NEGR1: variants seen among roughly 807,000 people sequenced by gnomAD.
NEGR1 encodes IgLON family member 4.
In NEGR1, 10 loss-of-function variants were observed where a neutral mutation model predicts 40.9. The observed-to-expected ratio is 0.24, with a 90% confidence interval of 0.15 to 0.42. The LOEUF (loss-of-function observed/expected upper bound fraction) is 0.42, where lower values mean the gene tolerates loss of function less well. NEGR1 is among the 10% of genes least tolerant of loss of function. The pLI, the probability that NEGR1 is intolerant of heterozygous loss-of-function variation, is 1.00. For missense variants in NEGR1, 352 were observed against 438.9 expected (o/e 0.80, Z 1.77); for synonymous variants, 185 against 166.8 (o/e 1.11, Z -0.84).
chr1:71,741,217 G>T (rs1489906402), intron 3 of NEGR1, among the ~76,000 whole-genome samples: 1 of 152,160 alleles, frequency 6.6e-6, no homozygotes, highest in Non-Finnish European at 1.5e-5. Context: ...TTTGGCAATT[G>T]TAGCTGCAGA....
At chr1:72,103,792 G>T (rs1375418569) in intron 1 of NEGR1, among the ~76,000 whole-genome samples, 1 of 151,982 alleles carries the variant, frequency 6.6e-6, no homozygotes, top group Non-Finnish European at 1.5e-5. Flanking sequence ...GTAGGGAAGT[G>T]GGGTGTTGAC....
chr1:71,602,512 A>C (rs1473298970), intron 5 of NEGR1, among the ~76,000 whole-genome samples: 12 of 151,752 alleles, frequency 7.9e-5, no homozygotes, highest in Admixed American at 7.9e-4. Context: ...CGGCCTCCCA[A>C]AGTGCTGGGA....
At chr1:72,189,235 C>A (rs1652726329) in intron 1 of NEGR1, among the ~76,000 whole-genome samples, 1 of 151,382 alleles carries the variant, frequency 6.6e-6, no homozygotes, top group Admixed American at 6.6e-5. Flanking sequence ...TGTTCTCTCC[C>A]AAAAGCCAAA....
intron 4 of NEGR1, among the ~76,000 whole-genome samples, chr1:71,663,388 A>G (rs1652135477): frequency 6.6e-6 from 1 of 152,192 alleles, no homozygotes; most frequent in Non-Finnish European, 1.5e-5. Flanking sequence ...TTTTTAAACT[A>G]TACTTGCTTC....
Position 71,396,156 on chromosome 1 carries a change from T to A in NEGR1, c.*11290A>T, listed in dbSNP as rs1646210271. Reference sequence around the variant, plus strand: ...TTTCTTTCCCTTCCTCTTTCTCTTCTTTTACCCTCTGTTTCTTTTCTTCTT... The same window carrying A: ...TTTCTTTCCCTTCCTCTTTCTCTTCATTTACCCTCTGTTTCTTTTCTTCTT... On this transcript the variant is annotated 3_prime_UTR_variant, in exon 7 of 7. Transcript: ENST00000357731. 6.6e-6 allele frequency: 1 copy of A among 152,208 alleles called. No homozygotes were observed. Among genetic ancestry groups the A allele is most frequent in the South Asian group, 2.1e-4 (1 of 4,826 alleles). The allele number at this position is 152,208 out of a possible 1,614,324, so 9.4% of individuals were successfully genotyped here. A position where few individuals can be genotyped will look rare whatever the true frequency, so the allele number is the denominator to read the frequency against.
At chr1:71,511,628 A>G (rs1295144604) in intron 6 of NEGR1, among the ~76,000 whole-genome samples, 1 of 152,250 alleles carries the variant, frequency 6.6e-6, no homozygotes, top group African/African-American at 2.4e-5. Flanking sequence ...ATGTAGATCA[A>G]TGTCAGGATG....
Position 71,890,208 on chromosome 1 carries a change from C to A in NEGR1, c.409+44871G>T, listed in dbSNP as rs1217174232. On this transcript the variant is annotated intron_variant, in intron 2 of 6. Transcript: ENST00000357731. ...CATCATAATGACAGGATCAAATTCA[C>A]ACATAACAATATTAACTTTAAATAT... 1.3e-4 allele frequency among the ~76,000 whole-genome samples: 12 copies of A among 91,858 alleles called. 1 individual carries two copies. In the Admixed American group the frequency reaches 1.7e-3, roughly 13 times the overall value. The allele number at this position is 91,858 out of a possible 152,430, so 60.3% of individuals were successfully genotyped here. A position where few individuals can be genotyped will look rare whatever the true frequency, so the allele number is the denominator to read the frequency against.
At chr1:72,075,737 A>G (rs529295679) in intron 1 of NEGR1, among the ~76,000 whole-genome samples, 1 of 152,186 alleles carries the variant, frequency 6.6e-6, no homozygotes, top group African/African-American at 2.4e-5. Flanking sequence ...AACATGCTGG[A>G]AAGTGGAAAT....
intron 1 of NEGR1, among the ~76,000 whole-genome samples, chr1:72,177,167 C>A (rs74667481): frequency 0.017 from 2,576 of 152,082 alleles, 86 homozygotes; most frequent in African/African-American, 0.059. Flanking sequence ...AAGATAGATA[C>A]CACTGTTACT....
intron 6 of NEGR1, among the ~76,000 whole-genome samples, chr1:71,580,545 AT>A (rs1049487677): frequency 1.7e-4 from 26 of 152,308 alleles, no homozygotes; most frequent in Admixed American, 1.3e-3. Context: ...ACAAAATAAA[AT>A]CCTAATTTTG....
At chr1:72,273,172 T>C (rs752980859) in intron 1 of NEGR1, among the ~76,000 whole-genome samples, 27 of 152,152 alleles carry the variant, frequency 1.8e-4, no homozygotes, top group Non-Finnish European at 3.2e-4. Context: ...ACTGCTGACC[T>C]ACCTCTAGGA....
At chr1:71,760,745 A>T (rs946241294) in intron 3 of NEGR1, among the ~76,000 whole-genome samples, 12 of 152,136 alleles carry the variant, frequency 7.9e-5, no homozygotes, top group Admixed American at 7.9e-4. Flanking sequence ...TCAGGATTGC[A>T]ACCTGAAGCA....
intron 6 of NEGR1, among the ~76,000 whole-genome samples, chr1:71,497,074 A>G (rs76353608): frequency 0.024 from 3,616 of 152,280 alleles, 64 homozygotes; most frequent in African/African-American, 0.041. Flanking sequence ...CCTCTTCAGT[A>G]TACTAGAAAT....
intron 1 of NEGR1, among the ~76,000 whole-genome samples, chr1:72,104,924 G>C (rs1163088161): frequency 6.6e-6 from 1 of 152,080 alleles, no homozygotes; most frequent in East Asian, 1.9e-4. Flanking sequence ...AGTACAGTCT[G>C]TTCACGTGGC....
chr1:71,505,798 A>C (rs1157591644), intron 6 of NEGR1, among the ~76,000 whole-genome samples: 1 of 152,194 alleles, frequency 6.6e-6, no homozygotes, highest in Non-Finnish European at 1.5e-5. Context: ...GTCAGACCTT[A>C]GAAAAAGTCC....
intron 1 of NEGR1, among the ~76,000 whole-genome samples, chr1:71,953,142 C>T (rs1004451134): frequency 1.3e-5 from 2 of 151,812 alleles, no homozygotes; most frequent in Admixed American, 1.3e-4. Flanking sequence ...ACTTTCAAGC[C>T]TTATTACTTA....
chr1:71,777,991 A>T lies in NEGR1; in HGVS notation c.410-1694T>A, dbSNP rs1210215381. Among the ~76,000 whole-genome samples, 3 of 152,220 alleles carry T rather than the reference A, an allele frequency of 2.0e-5. No individual in the cohort carries two copies. The East Asian group carries it at 5.8e-4, about 29-fold the overall frequency. ...GGGGTCTTTTCAGCTTAACTAAAAC[A>T]GAACAAAAATAAAAACATTAAATTA... On this transcript the variant is annotated intron_variant, in intron 2 of 6. Coordinates refer to ENST00000357731, the MANE Select transcript of NEGR1 (RefSeq NM_173808.3).
At chr1:71,529,332 T>A (rs988462654) in intron 6 of NEGR1, among the ~76,000 whole-genome samples, 3 of 151,364 alleles carry the variant, frequency 2.0e-5, no homozygotes, top group Non-Finnish European at 4.4e-5. Context: ...GCTTTAGAGA[T>A]AATTATGACC....
chr1:71,688,327 T>TATATATATAG, intron 4 of NEGR1, among the ~76,000 whole-genome samples: 1 of 97,778 alleles, frequency 1.0e-5, no homozygotes, highest in South Asian at 3.4e-4. Flanking sequence ...TATATATATA[T>TATATATATAG]AGATAGATAG....
Sources: allele counts gnomAD v4.1 joint callset (sites outside exome capture counted in the v4.1 genomes callset), GRCh38; gene constraint gnomAD v4.1.1; transcripts MANE v1.5; gene names NCBI Gene and HGNC (gene_info 2026-07-23, HGNC 2026-07-21).